The following NTM variants were observed in gnomAD, a reference collection of about 807,000 sequenced individuals.
NTM encodes the protein neurotrimin.
In NTM, 13 loss-of-function variants were observed where a neutral mutation model predicts 42.1. That is an observed-to-expected ratio of 0.31 (90% CI 0.20 to 0.49). The LOEUF (loss-of-function observed/expected upper bound fraction) is 0.49, where lower values mean the gene tolerates loss of function less well. NTM is among the 20% of genes least tolerant of loss of function. NTM has a pLI of 0.99. For missense variants in NTM, 373 were observed against 452.8 expected, an observed-to-expected ratio of 0.82 and a Z score of 1.60; for synonymous variants, 187 against 179.2, an observed-to-expected ratio of 1.04 and a Z score of -0.35.
At chr11:132,160,747 TGAG>T (rs1250001703) in intron 3 of NTM, among the ~76,000 whole-genome samples, 1 of 152,110 alleles carries the variant, frequency 6.6e-6, no homozygotes, top group Non-Finnish European at 1.5e-5. Context: ...AGCTGAGAGC[TGAG>T]GAGGATTAGC....
At chr11:131,712,011 T>C (rs2077201485) in intron 1 of NTM, among the ~76,000 whole-genome samples, 2 of 145,216 alleles carry the variant, frequency 1.4e-5, no homozygotes, top group South Asian at 4.7e-4. Context: ...AGGGATAGCA[T>C]TAGGAGGTAT....
At chr11:131,622,835 C>T (rs942585140) in intron 1 of NTM, among the ~76,000 whole-genome samples, 10 of 152,200 alleles carry the variant, frequency 6.6e-5, no homozygotes, top group African/African-American at 2.4e-4. Context: ...ACCGACCCTC[C>T]AGGAGTGCTC....
intron 2 of NTM, among the ~76,000 whole-genome samples, chr11:132,016,285 C>G (rs2073395135): frequency 6.6e-6 from 1 of 151,704 alleles, no homozygotes; most frequent in Non-Finnish European, 1.5e-5. Flanking sequence ...TCACCACAAC[C>G]CAGCTTAGGA....
intron 1 of NTM, among the ~76,000 whole-genome samples, chr11:131,684,902 C>T (rs1189084940): frequency 3.3e-5 from 5 of 152,194 alleles, no homozygotes; most frequent in Admixed American, 6.5e-5. Context: ...AGACCAAGGG[C>T]ATGAGTGAGC....
At chr11:132,294,129 A>C (rs1450790432) in intron 4 of NTM, among the ~76,000 whole-genome samples, 6 of 152,178 alleles carry the variant, frequency 3.9e-5, no homozygotes, top group Non-Finnish European at 5.9e-5. Flanking sequence ...TATGACTTCG[A>C]GCTTTAATGA....
chr11:132,243,349 A>T (rs180771759), intron 4 of NTM, among the ~76,000 whole-genome samples: 1 of 152,338 alleles, frequency 6.6e-6, no homozygotes, highest in Non-Finnish European at 1.5e-5. Flanking sequence ...TGAATTTGTC[A>T]TTCAAAAAAT....
chr11:131,673,703 G>A (rs999691263), intron 1 of NTM, among the ~76,000 whole-genome samples: 5 of 152,138 alleles, frequency 3.3e-5, no homozygotes, highest in African/African-American at 4.8e-5. Context: ...CCTGTACCTT[G>A]GGGGGCCCAG....
At chr11:132,229,627 C>T (rs1292953950) in intron 4 of NTM, among the ~76,000 whole-genome samples, 8 of 152,098 alleles carry the variant, frequency 5.3e-5, no homozygotes, top group Admixed American at 4.6e-4. Flanking sequence ...TCATAATTCC[C>T]CAAGGAAAGT....
At chr11:131,687,967 T>C (rs1445308125) in intron 1 of NTM, among the ~76,000 whole-genome samples, 1 of 152,236 alleles carries the variant, frequency 6.6e-6, no homozygotes, top group Admixed American at 6.5e-5. Context: ...CACGCAGGCC[T>C]CTGGAGTCGT....
chr11:131,684,802 A>G (rs961793388), intron 1 of NTM, among the ~76,000 whole-genome samples: 3 of 151,878 alleles, frequency 2.0e-5, no homozygotes, highest in African/African-American at 7.3e-5. Flanking sequence ...GGCTGGGCCA[A>G]CTCCTTGGGA....
chr11:131,660,747 A>G, intron 1 of NTM: 1 of 663,292 alleles, frequency 1.5e-6, no homozygotes, highest in South Asian at 1.9e-5. Flanking sequence ...AAAATCACGA[A>G]GGGAGACTGG....
intron 1 of NTM, among the ~76,000 whole-genome samples, chr11:131,806,669 T>C (rs2092502215): frequency 6.6e-6 from 1 of 152,084 alleles, no homozygotes; most frequent in Non-Finnish European, 1.5e-5. Context: ...CGAGGAGTGG[T>C]TCCCGGATTT....
At chr11:132,099,503 A>G (rs541655422) in intron 2 of NTM, among the ~76,000 whole-genome samples, 5 of 152,324 alleles carry the variant, frequency 3.3e-5, no homozygotes, top group African/African-American at 1.2e-4. Context: ...ACTGGAAAAC[A>G]GTGATGTAGT....
chr11:131,728,083 A>G (rs1453733392), intron 1 of NTM, among the ~76,000 whole-genome samples: 2 of 152,198 alleles, frequency 1.3e-5, no homozygotes, highest in Admixed American at 6.5e-5. Context: ...GTTCATTAGT[A>G]TAGTGGAATG....
intron 1 of NTM, among the ~76,000 whole-genome samples, chr11:131,779,370 G>A (rs1220620510): frequency 1.3e-5 from 2 of 152,146 alleles, no homozygotes; most frequent in Non-Finnish European, 2.9e-5. Context: ...TTATGCAGCT[G>A]TAGAAAACTA....
chr11:131,632,184 A>AT lies in NTM; in HGVS notation c.82+261303dup, dbSNP rs934352312. On this transcript the variant is annotated intron_variant, in intron 1 of 8. Coordinates refer to ENST00000683400, the MANE Select transcript of NTM (RefSeq NM_001352005.2). ...TGAAGCTCTTTGTGTCAGGGATAGCATTTTTTTAAGTTGGATTTGCTCTAT... is the reference window on the plus strand; with the variant it reads ...TGAAGCTCTTTGTGTCAGGGATAGCATTTTTTTTAAGTTGGATTTGCTCTAT... 6.6e-5 allele frequency among the ~76,000 whole-genome samples: 10 copies of AT among 152,164 alleles called. No homozygotes were observed. The East Asian group carries it at 9.7e-4, about 15-fold the overall frequency.
intron 1 of NTM, among the ~76,000 whole-genome samples, chr11:131,592,139 C>T (rs2059418489): frequency 1.3e-5 from 2 of 152,148 alleles, no homozygotes; most frequent in South Asian, 4.1e-4. Context: ...CCCACTTAAT[C>T]CTATTTAACT....
chr11:131,598,848 TCTTCCTTC>T (rs1310902703), intron 1 of NTM, among the ~76,000 whole-genome samples: 1 of 41,192 alleles, frequency 2.4e-5, no homozygotes, highest in Non-Finnish European at 5.6e-5. Flanking sequence ...TTTCTTTCTT[TCTTCCTTC>T]CTTCCTTCCT....
At chr11:131,934,760 G>A (rs546703699) in intron 2 of NTM, among the ~76,000 whole-genome samples, 38 of 152,314 alleles carry the variant, frequency 2.5e-4, no homozygotes, top group Non-Finnish European at 4.3e-4. Flanking sequence ...GACACCGCAG[G>A]GAGCAAGTGT....
Sources: allele counts gnomAD v4.1 joint callset (sites outside exome capture counted in the v4.1 genomes callset), GRCh38; gene constraint gnomAD v4.1.1; transcripts MANE v1.5; gene names NCBI Gene and HGNC (gene_info 2026-07-23, HGNC 2026-07-21).